WDR3: variants seen among roughly 807,000 people sequenced by gnomAD.
The protein encoded by WDR3 is WD repeat-containing protein 3.
Under a neutral mutation model 123.7 loss-of-function variants are expected in WDR3, and 81 were observed. That is an observed-to-expected ratio of 0.65 (90% confidence interval 0.55 to 0.79). WDR3 has a LOEUF of 0.79. WDR3 is among the 30% of genes least tolerant of loss of function. The pLI, the probability that WDR3 is intolerant of heterozygous loss-of-function variation, is 0.00. For synonymous variants in WDR3, 390 were observed against 388.8 expected (o/e 1.00, Z -0.04); for missense variants, 1,027 against 1,123.2 (o/e 0.91, Z 1.22).
At chr1:117,952,114 C>T in intron 17 of WDR3, 38 bp downstream of exon 17, 1 of 1,587,478 alleles carries the variant, frequency 6.3e-7, no homozygotes, top group African/African-American at 1.4e-5. Context: ...CTTTGAGTCA[C>T]CTGTAAGTTA....
intron 10 of WDR3, 97 bp downstream of exon 10, chr1:117,942,641 A>G (rs1651212555): frequency 3.7e-6 from 4 of 1,084,228 alleles, no homozygotes; most frequent in Admixed American, 2.1e-5. Flanking sequence ...TATGAATTAT[A>G]TATGTGGAGA....
rs761911419 is a variant in WDR3, at chr1:117,938,565, G to A, written c.579+7G>A. On this transcript the variant is annotated splice_region_variant and intron_variant, in intron 5 of 26. Coordinates refer to ENST00000349139, the MANE Select transcript of WDR3 (RefSeq NM_006784.3). ...GGTTGGCCACCGGACTGAGGTAAGT[G>A]TAGGGTCATGGGCCCAGGGAAATAA... 1.2e-6 allele frequency: 2 copies of A among 1,612,676 alleles called. No individual in the cohort carries two copies. Among genetic ancestry groups the A allele is most frequent in the South Asian group, 1.1e-5 (1 of 90,984 alleles).
chr1:117,948,981 GA>G lies in WDR3; in HGVS notation c.1524+476del, dbSNP rs977594990. On this transcript the variant is annotated intron_variant, in intron 13 of 26. Transcript: ENST00000349139. ...GGTGCTGTTGCTTAGAAAATCTTGA[GA>G]TTTTTTTTTTTGACAACACCTTAAG... Among the ~76,000 whole-genome samples, 14 of 151,878 alleles carry G rather than the reference GA, an allele frequency of 9.2e-5. No individual in the cohort carries two copies. In the East Asian group the frequency reaches 2.3e-3, roughly 25 times the overall value.
rs1342438648 is a variant in WDR3 at position 117,954,013 on chromosome 1, A to G, written c.2275A>G (p.Arg759Gly). Residue 759 changes from arginine to glycine, a missense_variant, in exon 22 of 27, where the codon AGG becomes GGG. Physicochemically the swap from Arg to Gly is moderately radical, Grantham distance 125 (BLOSUM62 -2). Coordinates refer to ENST00000349139, the MANE Select transcript of WDR3 (RefSeq NM_006784.3). Reference sequence around the variant, plus strand: ...CCTTTCTCATCCTCTGTAGGCTGAGAGGATTATGGAGGCTATTGAGTTGTA... The same window carrying G: ...CCTTTCTCATCCTCTGTAGGCTGAGGGGATTATGGAGGCTATTGAGTTGTA... ...KTIETVKAAERIMEAIELYRE... is the reference protein window; with the variant it reads ...KTIETVKAAEGIMEAIELYRE... 4.3e-6 allele frequency: 7 copies of G among 1,610,582 alleles called. No homozygotes were observed. The highest frequency in any genetic ancestry group is 5.9e-6 in the Non-Finnish European group (7 of 1,178,212).
rs1334838981 is a variant in WDR3 at position 117,965,307 on chromosome 1, C to T, written c.*5860C>T. ...ACCATTTTCTAATTGCTGCTTTTGTCTCCACTGGCTCTTCTTCCTCCTGCT... is the reference window on the plus strand; with the variant it reads ...ACCATTTTCTAATTGCTGCTTTTGTTTCCACTGGCTCTTCTTCCTCCTGCT... On this transcript the variant is annotated 3_prime_UTR_variant, in exon 27 of 27. Transcript: ENST00000349139. 6.6e-6 allele frequency: 1 copy of T among 152,222 alleles called. No individual in the cohort carries two copies. The highest frequency in any genetic ancestry group is 1.5e-5 in the Non-Finnish European group (1 of 68,054). The allele number at this position is 152,222 out of a possible 1,614,324, so 9.4% of individuals were successfully genotyped here.
chr1:117,948,296 A>G lies in WDR3; in HGVS notation c.1423-109A>G, dbSNP rs563391329. On this transcript the variant is annotated intron_variant, in intron 12 of 26. Transcript: ENST00000349139. ...GTGGGATCCATTTCCTAAGCAATGGATCACATTTTTGCAGCTTGGTTATGA... is the reference window on the plus strand; with the variant it reads ...GTGGGATCCATTTCCTAAGCAATGGGTCACATTTTTGCAGCTTGGTTATGA... 15 of 825,878 alleles carry G rather than the reference A, an allele frequency of 1.8e-5. No individual in the cohort carries two copies. In the East Asian group the frequency reaches 3.4e-4, roughly 19 times the overall value. The allele number at this position is 825,878 out of a possible 1,614,324, so 51.2% of individuals were successfully genotyped here. A position where few individuals can be genotyped will look rare whatever the true frequency, so the allele number is the denominator to read the frequency against.
intron 12 of WDR3, among the ~76,000 whole-genome samples, chr1:117,947,971 A>G (rs1651469376): frequency 6.6e-6 from 1 of 152,234 alleles, no homozygotes; most frequent in African/African-American, 2.4e-5. Flanking sequence ...GAGGAAACCA[A>G]AAGCAGATGG....
intron 6 of WDR3, 72 bp from the exon 7 acceptor site, chr1:117,940,755 A>G (rs1651118344): frequency 4.5e-6 from 6 of 1,341,114 alleles, no homozygotes; most frequent in Admixed American, 2.1e-5. Flanking sequence ...ACAACAAAAC[A>G]ACAACAACAA....
intron 12 of WDR3, among the ~76,000 whole-genome samples, chr1:117,947,605 T>A (rs1651453789): frequency 6.6e-6 from 1 of 152,234 alleles, no homozygotes; most frequent in African/African-American, 2.4e-5. Context: ...AGGCAATTAA[T>A]GTACATTATC....
intron 12 of WDR3, among the ~76,000 whole-genome samples, chr1:117,948,154 CT>C (rs1385290859): frequency 7.9e-5 from 12 of 152,290 alleles, no homozygotes; most frequent in African/African-American, 2.9e-4. Context: ...GCATCCAGTA[CT>C]GCATGGTGGT....
chr1:117,945,067 C>A (rs1330490562), intron 11 of WDR3, among the ~76,000 whole-genome samples: 3 of 152,082 alleles, frequency 2.0e-5, no homozygotes, highest in African/African-American at 7.2e-5. Context: ...AAAAGTGATC[C>A]CAAATCCAGC....
chr1:117,956,927 A>G, intron 24 of WDR3, 141 bp from the exon 25 acceptor site: 2 of 613,402 alleles, frequency 3.3e-6, no homozygotes, highest in South Asian at 7.4e-5. Context: ...CATCTAGCTT[A>G]CAGATGAATA....
At chr1:117,937,002 C>T (rs1650965400) in intron 4 of WDR3, 115 bp downstream of exon 4, 2 of 724,746 alleles carry the variant, frequency 2.8e-6, no homozygotes, top group African/African-American at 1.8e-5. Flanking sequence ...AGTTTTCTCT[C>T]CTGTTCTCCT....
In WDR3 at chr1:117,938,642, CTTTGT is replaced by C. The variant is rs1651027887; in HGVS notation, c.579+88_579+92del. The C allele has an allele frequency of 1.2e-5, 15 of 1,267,322 alleles. No individual in the cohort carries two copies. The South Asian group carries it at 2.0e-4, about 17-fold the overall frequency. The allele number at this position is 1,267,322 out of a possible 1,614,324, so 78.5% of individuals were successfully genotyped here. On this transcript the variant is annotated intron_variant, in intron 5 of 26. Coordinates refer to ENST00000349139, the MANE Select transcript of WDR3 (RefSeq NM_006784.3). ...GGTCTTCTCTTCCCCTTTCATGGCT[CTTTGT>C]TTTTAGTGCACACAGTAATTATCAT...
At chr1:117,932,394 A>G (rs1238969366) in intron 1 of WDR3, among the ~76,000 whole-genome samples, 1 of 152,208 alleles carries the variant, frequency 6.6e-6, no homozygotes, top group Non-Finnish European at 1.5e-5. Flanking sequence ...TCTAGGCCCT[A>G]CCTCAGACTT....
chr1:117,949,973 T>G (rs746458539), intron 14 of WDR3, 22 bp from the exon 15 acceptor site: 1 of 1,613,564 alleles, frequency 6.2e-7, no homozygotes, highest in South Asian at 1.1e-5. Flanking sequence ...TTATTTTTTC[T>G]TGATGTTTTT....
chr1:117,936,509 T>C (rs1029250817), intron 3 of WDR3, among the ~76,000 whole-genome samples: 7 of 152,124 alleles, frequency 4.6e-5, no homozygotes, highest in African/African-American at 1.7e-4. Context: ...TAAAATGATA[T>C]GAATGGCATG....
At chr1:117,947,690 G>A (rs1571018131) in intron 12 of WDR3, among the ~76,000 whole-genome samples, 2 of 152,180 alleles carry the variant, frequency 1.3e-5, no homozygotes, top group East Asian at 3.8e-4. Flanking sequence ...CTAGGTTCAT[G>A]GGGATGAATT....
At chr1:117,945,105 C>A (rs1651322088) in intron 11 of WDR3, among the ~76,000 whole-genome samples, 1 of 152,172 alleles carries the variant, frequency 6.6e-6, no homozygotes, top group Non-Finnish European at 1.5e-5. Context: ...ACTGCCACTA[C>A]CCCATTCAAA....
Sources: gnomAD v4.1 joint callset for allele counts (sites outside exome capture counted in the v4.1 genomes callset) on GRCh38, gnomAD v4.1.1 for gene constraint, MANE v1.5 for transcripts, NCBI Gene and HGNC (gene_info 2026-07-23, HGNC 2026-07-21) for gene names.